IGSF21: variants seen among roughly 807,000 people sequenced by gnomAD.
IGSF21 encodes the protein immunoglobulin superfamily member 21.
A neutral mutation model predicts 46.8 loss-of-function variants in IGSF21; 28 were observed. The observed-to-expected ratio is 0.60, with a 90% CI of 0.44 to 0.82. The LOEUF (loss-of-function observed/expected upper bound fraction) is 0.82. Ranked by LOEUF, IGSF21 falls within the 40% of genes least tolerant of loss-of-function variation. The pLI is 0.00. For missense variants in IGSF21, 624 were observed against 665.5 expected (o/e 0.94, Z 0.69); for synonymous variants, 284 against 273.6 (o/e 1.04, Z -0.38).
At chr1:18,231,961 G>GTGTGTGTGTGTGTGT (rs71018066) in intron 2 of IGSF21, among the ~76,000 whole-genome samples, 3 of 148,238 alleles carry the variant, frequency 2.0e-5, no homozygotes, top group East Asian at 4.0e-4. Context: ...GTGTGTGTGT[G>GTGTGTGTGTGTGTGT]GTGAGGGAGG....
Position 18,378,449 on chromosome 1 carries a change from C to A in IGSF21, c.*123C>A, listed in dbSNP as rs2086309523. On this transcript the variant is annotated 3_prime_UTR_variant, in exon 10 of 10. Transcript: ENST00000251296. ...CCATCTGTGTCTTGGCTTCTTCAGTCGGTTTAATTAAAACAAACAGAACAA... is the reference window on the plus strand; with the variant it reads ...CCATCTGTGTCTTGGCTTCTTCAGTAGGTTTAATTAAAACAAACAGAACAA... The A allele has an allele frequency of 1.2e-6, 1 of 812,784 alleles. No individual in the cohort carries two copies. The highest frequency in any genetic ancestry group is 1.7e-5 in the South Asian group (1 of 58,682). The allele number at this position is 812,784 out of a possible 1,614,324, so 50.3% of individuals were successfully genotyped here. A position where few individuals can be genotyped will look rare whatever the true frequency, so the allele number is the denominator to read the frequency against.
chr1:18,199,554 C>A (rs943671568), intron 1 of IGSF21, among the ~76,000 whole-genome samples: 1 of 152,114 alleles, frequency 6.6e-6, no homozygotes, highest in Non-Finnish European at 1.5e-5. Flanking sequence ...AGCTTCCCAG[C>A]CCTGGTGACT....
rs12057863 is a variant in IGSF21, at chr1:18,337,581, C to T, written c.424+2571C>T. 0.019 allele frequency among the ~76,000 whole-genome samples: 2,832 copies of T among 152,216 alleles called. 82 individuals carry two copies. The highest frequency in any genetic ancestry group is 0.063 in the African/African-American group (2,625 of 41,506). On this transcript the variant is annotated intron_variant, in intron 4 of 9. Coordinates refer to ENST00000251296, the MANE Select transcript of IGSF21 (RefSeq NM_032880.5). The surrounding 1 kb of genome is among the most constrained non-coding windows in gnomAD (Gnocchi z 5.7). ...TGCTCTGGGAACACAGCTTCACGCA[C>T]CGTGGCAACCTGGAAGCCAGGGTGT... is the stretch of plus-strand genomic sequence containing the variant.
chr1:18,244,071 C>T (rs1374098926), intron 2 of IGSF21, among the ~76,000 whole-genome samples: 1 of 152,200 alleles, frequency 6.6e-6, no homozygotes, highest in Non-Finnish European at 1.5e-5. Context: ...TAAGAGCAAC[C>T]CTTGTTCAGC....
intron 3 of IGSF21, among the ~76,000 whole-genome samples, chr1:18,310,307 T>C (rs2085476827): frequency 6.6e-6 from 1 of 152,186 alleles, no homozygotes. Flanking sequence ...GAGGTTTCCT[T>C]CCACCAAGAG....
chr1:18,270,806 T>C (rs978464710), intron 2 of IGSF21, among the ~76,000 whole-genome samples: 5 of 151,468 alleles, frequency 3.3e-5, no homozygotes, highest in African/African-American at 7.3e-5. Context: ...CTACCCAAAC[T>C]GGTGCCATCA....
At chr1:18,207,754 G>C (rs1379659052) in intron 1 of IGSF21, among the ~76,000 whole-genome samples, 1 of 152,212 alleles carries the variant, frequency 6.6e-6, no homozygotes, top group African/African-American at 2.4e-5. Flanking sequence ...GAATCTGGCA[G>C]GGGCTGGGAT....
At chr1:18,314,618 A>G (rs1231305618) in intron 3 of IGSF21, among the ~76,000 whole-genome samples, 3 of 152,164 alleles carry the variant, frequency 2.0e-5, no homozygotes, top group Non-Finnish European at 4.4e-5. Flanking sequence ...GGATCAGGGA[A>G]GGCAAGTGAC....
chr1:18,290,384 A>G lies in IGSF21; in HGVS notation c.184-1482A>G, dbSNP rs2085254333. ...AGATAGGAGGGGTGTGGGCTTACGG[A>G]GGGGTAAGGAGAAGCCGTGCCCTGG... is the stretch of plus-strand genomic sequence containing the variant. On this transcript the variant is annotated intron_variant, in intron 2 of 9. Coordinates refer to ENST00000251296, the MANE Select transcript of IGSF21 (RefSeq NM_032880.5). This position sits in a 1 kb window ranked among gnomAD's most constrained non-coding sequence, Gnocchi z 4.2. Among the ~76,000 whole-genome samples the G allele has an allele frequency of 6.6e-6, 1 of 152,076 alleles. No individual in the cohort carries two copies. The highest frequency in any genetic ancestry group is 1.5e-5 in the Non-Finnish European group (1 of 68,000).
intron 2 of IGSF21, among the ~76,000 whole-genome samples, chr1:18,277,778 T>G (rs2085117186): frequency 1.3e-5 from 2 of 152,232 alleles, no homozygotes; most frequent in African/African-American, 4.8e-5. Context: ...TTCCCTGGAA[T>G]CTACGTACCG....
chr1:18,148,222 C>T (rs1464569606), intron 1 of IGSF21, among the ~76,000 whole-genome samples: 1 of 149,988 alleles, frequency 6.7e-6, no homozygotes, highest in Non-Finnish European at 1.5e-5. Context: ...GCTCCGCCTC[C>T]TGGGTTCACG....
chr1:18,256,931 C>T (rs919587115), intron 2 of IGSF21, among the ~76,000 whole-genome samples: 2 of 152,198 alleles, frequency 1.3e-5, no homozygotes, highest in African/African-American at 2.4e-5. Flanking sequence ...AACTTCTTTA[C>T]TCCACATCAT....
chr1:18,346,645 CG>C (rs989969032), intron 4 of IGSF21, among the ~76,000 whole-genome samples: 6 of 152,152 alleles, frequency 3.9e-5, no homozygotes, highest in African/African-American at 9.7e-5. Flanking sequence ...AATGCAACCA[CG>C]TGATCTCACT....
chr1:18,204,375 G>T (rs2087105514), intron 1 of IGSF21, among the ~76,000 whole-genome samples: 1 of 152,220 alleles, frequency 6.6e-6, no homozygotes, highest in African/African-American at 2.4e-5. Flanking sequence ...CATTGTTGCT[G>T]CTGTTAATTA....
At chr1:18,215,514 T>C (rs775128181) in intron 1 of IGSF21, among the ~76,000 whole-genome samples, 1 of 151,758 alleles carries the variant, frequency 6.6e-6, no homozygotes, top group African/African-American at 2.4e-5. Context: ...ACATCAGGAG[T>C]GGTCTTTGGG....
chr1:18,291,862 G>T lies in IGSF21; in HGVS notation c.184-4G>T, dbSNP rs1303500382. ...CGTGTGGCTATCTCTGTGCTCTGTG[G>T]CAGGTGACGGATGGTGGCACCATCA... On this transcript the variant is annotated splice_polypyrimidine_tract_variant and splice_region_variant and intron_variant, in intron 2 of 9. Transcript: ENST00000251296. 4 of 1,613,666 alleles carry T rather than the reference G, an allele frequency of 2.5e-6. No individual in the cohort carries two copies. The highest frequency in any genetic ancestry group is 3.4e-6 in the Non-Finnish European group (4 of 1,179,738).
At chr1:18,339,274 A>T (rs2085803861) in intron 4 of IGSF21, among the ~76,000 whole-genome samples, 1 of 152,210 alleles carries the variant, frequency 6.6e-6, no homozygotes, top group Admixed American at 6.5e-5. Context: ...GGTCTGCCTG[A>T]GCCCAGAGCA....
chr1:18,361,995 A>C (rs1372858523), intron 4 of IGSF21, 120 bp from the exon 5 acceptor site: 2 of 656,524 alleles, frequency 3.0e-6, no homozygotes, highest in African/African-American at 3.6e-5. Context: ...GAGTTTGGCA[A>C]CACCTGCCCT....
Position 18,286,977 on chromosome 1 carries a change from C to T in IGSF21, c.184-4889C>T, listed in dbSNP as rs368959581. ...CGGGCGGATCACGAGGTCAGGAGATCGAGACCATCCCGGCTAAAACGGTGA... is the reference window on the plus strand; with the variant it reads ...CGGGCGGATCACGAGGTCAGGAGATTGAGACCATCCCGGCTAAAACGGTGA... On this transcript the variant is annotated intron_variant, in intron 2 of 9. Coordinates refer to ENST00000251296, the MANE Select transcript of IGSF21 (RefSeq NM_032880.5). 1.2e-4 allele frequency among the ~76,000 whole-genome samples: 18 copies of T among 151,886 alleles called. No individual in the cohort carries two copies. The East Asian group carries it at 3.1e-3, about 26-fold the overall frequency.
Sources: gnomAD v4.1 joint callset for allele counts (sites outside exome capture counted in the v4.1 genomes callset) on GRCh38, gnomAD v4.1.1 for gene constraint, Gnocchi (gnomAD v3.1) non-coding constraint, MANE v1.5 for transcripts, NCBI Gene and HGNC (gene_info 2026-07-23, HGNC 2026-07-21) for gene names.